RNFT2: variants seen among roughly 807,000 people sequenced by gnomAD.
The protein encoded by RNFT2 is ring finger protein, transmembrane 2, also known as E3 ubiquitin-protein ligase RNFT2.
In RNFT2, 36 loss-of-function variants were observed where a neutral mutation model predicts 53.0. That is an observed-to-expected ratio of 0.68 (90% CI 0.52 to 0.90). The LOEUF (loss-of-function observed/expected upper bound fraction) is 0.90, where lower values mean the gene tolerates loss of function less well. Ranked by LOEUF, RNFT2 falls within the 40% of genes least tolerant of loss-of-function variation. The pLI is 0.00. For synonymous variants in RNFT2, 260 were observed against 253.2 expected (o/e 1.03, Z -0.26); for missense variants, 514 against 585.6 (o/e 0.88, Z 1.26).
chr12:116,754,439 A>G (rs1224827476), intron 5 of RNFT2, among the ~76,000 whole-genome samples: 1 of 152,216 alleles, frequency 6.6e-6, no homozygotes, highest in African/African-American at 2.4e-5. Context: ...TTGTGCTGCT[A>G]TAAACTTGCG....
At chr12:116,774,217 T>C (rs1873322842) in intron 6 of RNFT2, among the ~76,000 whole-genome samples, 1 of 152,220 alleles carries the variant, frequency 6.6e-6, no homozygotes, top group African/African-American at 2.4e-5. Flanking sequence ...TGTGGTTGGA[T>C]AGTGGTGATG....
chr12:116,779,276 G>A lies in RNFT2; in HGVS notation c.810G>A (p.Leu270=), dbSNP rs1464341874. The change falls in exon 7 of 11, where the codon CTG becomes CTA. Residue 270 remains leucine (L), a synonymous_variant. Coordinates refer to ENST00000257575, the MANE Select transcript of RNFT2 (RefSeq NM_001382266.1). ...TTGTGGGGATCGCAGACTTTGTTCTGAAGTACATCACCATCGCCCTCAAGT... is the reference window on the plus strand; with the variant it reads ...TTGTGGGGATCGCAGACTTTGTTCTAAAGTACATCACCATCGCCCTCAAGT... ...LWIVGIADFV[L]KYITIALKCL... The A allele has an allele frequency of 6.2e-7, 1 of 1,613,996 alleles. No individual in the cohort carries two copies. The highest frequency in any genetic ancestry group is 2.2e-5 in the East Asian group (1 of 44,872).
chr12:116,815,089 T>C (rs561387153), intron 7 of RNFT2, among the ~76,000 whole-genome samples: 2 of 152,100 alleles, frequency 1.3e-5, no homozygotes, highest in South Asian at 4.2e-4. Flanking sequence ...ACACTGGGTA[T>C]CATAAATGAT....
At chr12:116,762,121 G>C (rs1872715566) in intron 5 of RNFT2, among the ~76,000 whole-genome samples, 1 of 151,530 alleles carries the variant, frequency 6.6e-6, no homozygotes, top group Non-Finnish European at 1.5e-5. Flanking sequence ...GCTCATGCAT[G>C]CAATCCCAGC....
chr12:116,796,059 C>T (rs892571344), intron 7 of RNFT2, among the ~76,000 whole-genome samples: 5 of 152,096 alleles, frequency 3.3e-5, no homozygotes, highest in African/African-American at 1.2e-4. Context: ...CAGGCGCCCA[C>T]CACCACACCC....
intron 1 of RNFT2, among the ~76,000 whole-genome samples, chr12:116,740,067 G>T (rs746811103): frequency 5.3e-5 from 8 of 151,960 alleles, no homozygotes; most frequent in Non-Finnish European, 1.0e-4. Context: ...TTGGGTGGGC[G>T]TGGTGTCGCA....
intron 7 of RNFT2, among the ~76,000 whole-genome samples, chr12:116,811,885 T>G (rs1875398914): frequency 6.6e-6 from 1 of 152,170 alleles, no homozygotes; most frequent in Non-Finnish European, 1.5e-5. Context: ...TTATCCTTAC[T>G]AGTTACCAAT....
intron 6 of RNFT2, among the ~76,000 whole-genome samples, chr12:116,772,114 C>T (rs183576563): frequency 1.3e-5 from 2 of 151,972 alleles, no homozygotes; most frequent in African/African-American, 4.8e-5. Flanking sequence ...ATTTTGGAGA[C>T]ACAGTCTTGC....
intron 1 of RNFT2, among the ~76,000 whole-genome samples, chr12:116,739,029 G>A (rs936275623): frequency 2.6e-5 from 4 of 152,154 alleles, no homozygotes; most frequent in African/African-American, 9.7e-5. Context: ...GGCTTCACTG[G>A]CGGGTCATTT....
chr12:116,838,000 T>C (rs1286573767), intron 10 of RNFT2, among the ~76,000 whole-genome samples: 2 of 151,744 alleles, frequency 1.3e-5, no homozygotes, highest in Non-Finnish European at 1.5e-5. Flanking sequence ...TATATATTTA[T>C]ACACACACAA....
At chr12:116,753,471 C>CT (rs1872352010) in intron 4 of RNFT2, among the ~76,000 whole-genome samples, 1 of 152,066 alleles carries the variant, frequency 6.6e-6, no homozygotes, top group Non-Finnish European at 1.5e-5. Context: ...TCAATGTATG[C>CT]TTTTATCACA....
At chr12:116,745,553 G>A (rs1325479486) in intron 3 of RNFT2, among the ~76,000 whole-genome samples, 1 of 152,120 alleles carries the variant, frequency 6.6e-6, no homozygotes, top group African/African-American at 2.4e-5. Context: ...GAGCCACCAT[G>A]CCTGGCCTCA....
At chr12:116,835,845 A>AGTC in intron 8 of RNFT2, 115 bp from the exon 9 acceptor site, 1 of 1,055,074 alleles carries the variant, frequency 9.5e-7, no homozygotes. Context: ...GAGGAGCCCT[A>AGTC]AAAATGTTCT....
In RNFT2 at chr12:116,775,168, G is replaced by A. The variant is rs1486312161; in HGVS notation, c.729-4027G>A. Among the ~76,000 whole-genome samples the A allele has an allele frequency of 2.7e-5, 4 of 148,244 alleles. No homozygotes were observed. In the Admixed American group the frequency reaches 2.8e-4, roughly 10 times the overall value. Reference sequence around the variant, plus strand: ...CCAGCTACTTGGAAGGCTGAGGCAGGAAAATCGCCTGAACCGGGGAGGTAG... The same window carrying A: ...CCAGCTACTTGGAAGGCTGAGGCAGAAAAATCGCCTGAACCGGGGAGGTAG... On this transcript the variant is annotated intron_variant, in intron 6 of 10. Transcript: ENST00000257575.
At chr12:116,767,618 C>T (rs183666384) in intron 6 of RNFT2, among the ~76,000 whole-genome samples, 33 of 152,082 alleles carry the variant, frequency 2.2e-4, no homozygotes, top group Admixed American at 1.5e-3. Flanking sequence ...CTCACTCTGT[C>T]GCCCAGGCTG....
At chr12:116,784,358 C>A (rs1340590199) in intron 7 of RNFT2, among the ~76,000 whole-genome samples, 2 of 152,192 alleles carry the variant, frequency 1.3e-5, no homozygotes, top group African/African-American at 4.8e-5. Flanking sequence ...CTGATTGGCC[C>A]CGGTCATTTT....
chr12:116,791,230 T>A (rs951739772), intron 7 of RNFT2, among the ~76,000 whole-genome samples: 3 of 152,268 alleles, frequency 2.0e-5, no homozygotes, highest in African/African-American at 7.2e-5. Context: ...ATACCCTATG[T>A]GGCCTTTTGT....
chr12:116,743,947 C>T (rs1871769932), intron 3 of RNFT2, among the ~76,000 whole-genome samples: 1 of 152,140 alleles, frequency 6.6e-6, no homozygotes, highest in Non-Finnish European at 1.5e-5. Context: ...TGCTTATGGG[C>T]CAGGCATGGT....
intron 3 of RNFT2, among the ~76,000 whole-genome samples, chr12:116,743,213 T>TAAAAAAAAAAAAAAAA (rs762013507): frequency 0.011 from 112 of 10,658 alleles, 29 homozygotes; most frequent in Non-Finnish European, 0.015. Context: ...AGGTAGAATC[T>TAAAAAAAAAAAAAAAA]AAAAAAAAAA....
Sources: gnomAD v4.1 joint callset for allele counts (sites outside exome capture counted in the v4.1 genomes callset) on GRCh38, gnomAD v4.1.1 for gene constraint, MANE v1.5 for transcripts, NCBI Gene and HGNC (gene_info 2026-07-23, HGNC 2026-07-21) for gene names.